Variants in CDH18 observed in about 807,000 individuals in gnomAD.
CDH18 encodes cadherin 18.
CDH18 carries 31 observed loss-of-function variants against 67.9 expected under a neutral mutation model. The ratio of observed to expected loss-of-function variants is 0.46; its 90% CI spans 0.34 to 0.62. The LOEUF is 0.62. Among genes scored for constraint, CDH18 ranks in the 20% least tolerant of loss-of-function variants. The pLI, the probability that CDH18 is intolerant of heterozygous loss-of-function variation, is 0.01. For synonymous variants in CDH18, 362 were observed against 347.2 expected (o/e 1.04, Z -0.48); for missense variants, 890 against 975.5 (o/e 0.91, Z 1.17).
chr5:20,067,020 C>A (rs1743036293), intron 2 of CDH18, among the ~76,000 whole-genome samples: 3 of 150,644 alleles, frequency 2.0e-5, no homozygotes, highest in South Asian at 4.2e-4. Flanking sequence ...GAAAAAAAAA[C>A]AACAGTAAAA....
chr5:20,363,652 CCTT>C (rs1056908565), intron 1 of CDH18, among the ~76,000 whole-genome samples: 36 of 151,934 alleles, frequency 2.4e-4, no homozygotes, highest in African/African-American at 7.7e-4. Flanking sequence ...CTTCAAATGC[CCTT>C]CTTCTTTTGT....
chr5:20,274,154 C>T (rs146983207), intron 1 of CDH18, among the ~76,000 whole-genome samples: 27 of 152,198 alleles, frequency 1.8e-4, no homozygotes, highest in Non-Finnish European at 3.4e-4. Flanking sequence ...AGAATGTTCC[C>T]TATTGTCTTT....
At chr5:20,417,428 T>C (rs531484221) in intron 1 of CDH18, among the ~76,000 whole-genome samples, 8 of 152,284 alleles carry the variant, frequency 5.3e-5, no homozygotes, top group African/African-American at 1.7e-4. Flanking sequence ...ATATGACTCT[T>C]AGAACTAATA....
intron 1 of CDH18, among the ~76,000 whole-genome samples, chr5:20,390,019 TAAAACCATA>T (rs1038995609): frequency 1.3e-5 from 2 of 152,134 alleles, no homozygotes; most frequent in African/African-American, 4.8e-5. Flanking sequence ...ATGTTAGATC[TAAAACCATA>T]AAAACCCTAG....
At chr5:20,541,003 T>G (rs570575415) in intron 1 of CDH18, among the ~76,000 whole-genome samples, 1 of 152,198 alleles carries the variant, frequency 6.6e-6, no homozygotes, top group Non-Finnish European at 1.5e-5. Flanking sequence ...CACTCTTGAT[T>G]TCACATTATG....
chr5:20,298,557 C>T (rs1300450468), intron 1 of CDH18, among the ~76,000 whole-genome samples: 1 of 152,026 alleles, frequency 6.6e-6, no homozygotes, highest in Non-Finnish European at 1.5e-5. Flanking sequence ...AAAATGGAGA[C>T]TACATAGATA....
intron 1 of CDH18, among the ~76,000 whole-genome samples, chr5:20,261,425 AACAATAAGTG>A (rs1744642708): frequency 1.3e-5 from 2 of 151,944 alleles, no homozygotes; most frequent in Admixed American, 6.5e-5. Context: ...TGTAGAAATT[AACAATAAGTG>A]TTTTGTAAAT....
At chr5:20,244,192 G>T (rs1743200116) in intron 2 of CDH18, among the ~76,000 whole-genome samples, 1 of 151,836 alleles carries the variant, frequency 6.6e-6, no homozygotes, top group South Asian at 2.1e-4. Context: ...CTCCGCTGAA[G>T]GTGGCTGAAT....
chr5:20,302,302 C>T (rs114761054), intron 1 of CDH18, among the ~76,000 whole-genome samples: 1,818 of 152,218 alleles, frequency 0.012, 42 homozygotes, highest in African/African-American at 0.041. Flanking sequence ...ATAAACTTAA[C>T]GTCAATCGGG....
chr5:19,677,836 C>T (rs1231713921), intron 5 of CDH18, among the ~76,000 whole-genome samples: 1 of 151,958 alleles, frequency 6.6e-6, no homozygotes, highest in Non-Finnish European at 1.5e-5. Context: ...TCAGACAAAA[C>T]ATACTGTAAA....
At chr5:19,883,122 G>C (rs548539188) in intron 2 of CDH18, among the ~76,000 whole-genome samples, 3 of 152,248 alleles carry the variant, frequency 2.0e-5, no homozygotes, top group African/African-American at 7.2e-5. Flanking sequence ...ATGCTGGCTC[G>C]AGAGCACTGA....
chr5:20,309,110 T>C (rs1643902265), intron 1 of CDH18, among the ~76,000 whole-genome samples: 1 of 152,210 alleles, frequency 6.6e-6, no homozygotes, highest in Admixed American at 6.5e-5. Context: ...GTGAGGTAGC[T>C]GCTCTGGGAA....
At chr5:19,851,587 T>G (rs976761260) in intron 2 of CDH18, among the ~76,000 whole-genome samples, 8 of 151,888 alleles carry the variant, frequency 5.3e-5, no homozygotes, top group African/African-American at 1.9e-4. Context: ...TTCTTTACAC[T>G]GAGTCATATT....
At chr5:19,699,202 T>TAATCAA (rs1382786409) in intron 5 of CDH18, among the ~76,000 whole-genome samples, 6 of 152,178 alleles carry the variant, frequency 3.9e-5, no homozygotes, top group Admixed American at 3.3e-4. Context: ...TGCACATCAT[T>TAATCAA]AATCTCTTAT....
chr5:20,502,962 C>A (rs750330243), intron 1 of CDH18, among the ~76,000 whole-genome samples: 4 of 151,610 alleles, frequency 2.6e-5, no homozygotes, highest in Admixed American at 2.0e-4. Context: ...TGAATAAATT[C>A]TGCTTTTATG....
intron 3 of CDH18, among the ~76,000 whole-genome samples, chr5:19,795,112 A>T (rs1776726911): frequency 6.6e-6 from 1 of 152,180 alleles, no homozygotes. Context: ...CTCTGAAAAC[A>T]TCAGGCAAAC....
chr5:20,288,815 G>A (rs574046004), intron 1 of CDH18, among the ~76,000 whole-genome samples: 23 of 151,930 alleles, frequency 1.5e-4, no homozygotes, highest in Non-Finnish European at 2.8e-4. Flanking sequence ...AGTACAGATT[G>A]TATTTCAGCA....
rs182403320 is a variant in CDH18, at chr5:20,294,900, C to T, written c.-579-39395G>A. On this transcript the variant is annotated intron_variant, in intron 1 of 14. Transcript: ENST00000507958. ...CAAAAATTCTGATAGTAAATATTGA[C>T]TCAGTATAGTCACTTAAAGGCTTTG... Among the ~76,000 whole-genome samples, 238 of 152,140 alleles carry T rather than the reference C, an allele frequency of 1.6e-3. 2 individuals are homozygous for T. The highest frequency in any genetic ancestry group is 4.6e-3 in the Admixed American group (70 of 15,282).
At chr5:19,604,427 T>C (rs1262355695) in intron 6 of CDH18, among the ~76,000 whole-genome samples, 2 of 151,944 alleles carry the variant, frequency 1.3e-5, no homozygotes, top group African/African-American at 4.8e-5. Context: ...CTTACAGAGT[T>C]TGCCTGTCTT....
Sources: gnomAD v4.1 joint callset for allele counts (sites outside exome capture counted in the v4.1 genomes callset) on GRCh38, gnomAD v4.1.1 for gene constraint, MANE v1.5 for transcripts, NCBI Gene and HGNC (gene_info 2026-07-23, HGNC 2026-07-21) for gene names.